Variants in BAX observed in about 807,000 individuals in gnomAD.
The protein encoded by BAX is BCL2 associated X, apoptosis regulator.
Under a neutral mutation model 26.8 loss-of-function variants are expected in BAX, and 21 were observed. That is an observed-to-expected ratio of 0.78 (90% CI 0.56 to 1.13). The LOEUF (loss-of-function observed/expected upper bound fraction) is 1.13. BAX is among the 50% of genes most tolerant of loss of function. The pLI, the probability that BAX is intolerant of heterozygous loss-of-function variation, is 0.00. For missense variants in BAX, 236 were observed against 254.6 expected, an observed-to-expected ratio of 0.93 and a Z score of 0.50; for synonymous variants, 110 against 101.8, an observed-to-expected ratio of 1.08 and a Z score of -0.49.
At chr19:48,955,354 A>C (rs2038082453) in intron 1 of BAX, 194 bp from the exon 2 acceptor site, 1 of 590,720 alleles carries the variant, frequency 1.7e-6, no homozygotes, top group Admixed American at 3.4e-5. Context: ...AGAATGTAGG[A>C]TACAGGCCCA....
rs61415800 is a variant in BAX at position 48,957,265 on chromosome 19, CTTTTTTTTT to C, written c.369+951_369+959del. 9.1e-4 allele frequency among the ~76,000 whole-genome samples: 50 copies of C among 54,946 alleles called. No homozygotes were observed. In the East Asian group the frequency reaches 0.01, roughly 11 times the overall value. The allele number at this position is 54,946 out of a possible 152,430, so 36.0% of individuals were successfully genotyped here. ...GGCTGCTGGAAAGACTTTTTCTTTT[CTTTTTTTTT>C]TTTTTTTTTTTTTTTTTTGAGACAG... On this transcript the variant is annotated intron_variant, in intron 4 of 5. Coordinates refer to ENST00000345358, the MANE Select transcript of BAX (RefSeq NM_138761.4).
chr19:48,961,459 C>A, intron 5 of BAX, 73 bp from the exon 6 acceptor site: 1 of 1,390,242 alleles, frequency 7.2e-7, no homozygotes, highest in Non-Finnish European at 1.0e-6. Context: ...TCCTCCGTCC[C>A]TGATCCCGCC....
intron 1 of BAX, chr19:48,955,225 G>A (rs1231467761): frequency 4.6e-6 from 2 of 431,560 alleles, no homozygotes; most frequent in Non-Finnish European, 7.8e-6. Flanking sequence ...GCAGGCCCGG[G>A]CTTGTCGCCC....
At chr19:48,958,788 G>A (rs1387924807) in intron 4 of BAX, among the ~76,000 whole-genome samples, 2 of 151,682 alleles carry the variant, frequency 1.3e-5, no homozygotes, top group Admixed American at 1.3e-4. Context: ...CAGGTGATCC[G>A]CCTGCCTCGG....
chr19:48,957,463 C>T (rs4645890), intron 4 of BAX, among the ~76,000 whole-genome samples: 3,107 of 150,198 alleles, frequency 0.021, 89 homozygotes, highest in Non-Finnish European at 0.034. Context: ...TTAGTAGAGA[C>T]GGAGTTTCGC....
At chr19:48,957,831 T>C (rs2038198708) in intron 4 of BAX, among the ~76,000 whole-genome samples, 1 of 152,212 alleles carries the variant, frequency 6.6e-6, no homozygotes, top group Non-Finnish European at 1.5e-5. Context: ...GGGGACTGTC[T>C]GTATAGCAAA....
At chr19:48,960,939 C>T (rs760292142) in intron 5 of BAX, 25 bp downstream of exon 5, 1 of 1,613,496 alleles carries the variant, frequency 6.2e-7, no homozygotes, top group Admixed American at 1.7e-5. Context: ...GCCTCCTCAC[C>T]CCCACCACCG....
intron 4 of BAX, among the ~76,000 whole-genome samples, chr19:48,958,166 G>A (rs1433735364): frequency 6.6e-6 from 1 of 150,828 alleles, no homozygotes; most frequent in Non-Finnish European, 1.5e-5. Flanking sequence ...ATAGCTCACT[G>A]CAGCCTCAAA....
intron 1 of BAX, 144 bp downstream of exon 1, chr19:48,955,106 C>T (rs556745156): frequency 9.9e-7 from 1 of 1,009,372 alleles, no homozygotes; most frequent in South Asian, 4.9e-5. Flanking sequence ...CCTCCAGTCC[C>T]CTCCGTCCTC....
chr19:48,961,250 CT>C (rs371491785), intron 5 of BAX: 96,686 of 966,744 alleles, frequency 0.1, no homozygotes, highest in East Asian at 0.15. Flanking sequence ...TAGCTCTTTC[CT>C]TTTTTTTTTT....
At chr19:48,960,942 C>T (rs768343456) in intron 5 of BAX, 28 bp downstream of exon 5, 7 of 1,613,274 alleles carry the variant, frequency 4.3e-6, no homozygotes, top group Non-Finnish European at 5.9e-6. Flanking sequence ...TCCTCACCCC[C>T]ACCACCGCGC....
Position 48,961,744 on chromosome 19 carries a change from G to C in BAX, c.*108G>C. 3 of 946,398 alleles carry C rather than the reference G, an allele frequency of 3.2e-6. No individual in the cohort carries two copies. The Admixed American group carries it at 7.0e-5, about 22-fold the overall frequency. 58.6% of individuals were successfully genotyped at this position (946,398 alleles called of 1,614,324 possible). A position where few individuals can be genotyped will look rare whatever the true frequency, so the allele number is the denominator to read the frequency against. ...CATTTTTCTTACTTTTGTAATTATT[G>C]GGGGGTGTGGGGAAGAGTGGTCTTG... is the stretch of plus-strand genomic sequence containing the variant. On this transcript the variant is annotated 3_prime_UTR_variant, in exon 6 of 6. Transcript: ENST00000345358.
chr19:48,957,344 G>A (rs1313577776), intron 4 of BAX, among the ~76,000 whole-genome samples: 5 of 120,438 alleles, frequency 4.2e-5, no homozygotes, highest in African/African-American at 1.2e-4. Flanking sequence ...GCGCCATCTC[G>A]GCTCACTGCA....
At position 48,960,790 on chromosome 19, in the gene BAX, G is replaced by A. The variant is rs755234872; in HGVS notation, c.370-20G>A. 3 of 1,589,214 alleles carry A rather than the reference G, an allele frequency of 1.9e-6. No homozygotes were observed. Among genetic ancestry groups the A allele is most frequent in the South Asian group, 1.1e-5 (1 of 89,416 alleles). On this transcript the variant is annotated intron_variant, in intron 4 of 5. Coordinates refer to ENST00000345358, the MANE Select transcript of BAX (RefSeq NM_138761.4). Reference sequence around the variant, plus strand: ...GTGGGGACAAGGTTCAGTCCCTAACGCCCACTCCACTCCCCACAGGCCCTG... The same window carrying A: ...GTGGGGACAAGGTTCAGTCCCTAACACCCACTCCACTCCCCACAGGCCCTG...
rs1353115965 is a variant in BAX, at chr19:48,961,597, G to T, written c.540G>T (p.Val180=). The T allele has an allele frequency of 1.9e-6, 3 of 1,600,988 alleles. No homozygotes were observed. In the South Asian group the frequency reaches 3.4e-5, roughly 18 times the overall value. ...CCGTGACCATCTTTGTGGCGGGAGT[G>T]CTCACCGCCTCACTCACCATCTGGA... The part of the protein sequence containing the change: ...WQTVTIFVAG[V]LTASLTIWKK... The change falls in exon 6 of 6, where the codon GTG becomes GTT. Residue 180 remains valine (V), a synonymous_variant. Coordinates refer to ENST00000345358, the MANE Select transcript of BAX (RefSeq NM_138761.4).
Position 48,956,422 on chromosome 19 carries a change from C to T in BAX, c.369+89C>T, listed in dbSNP as rs1001000787. The T allele has an allele frequency of 2.2e-6, 3 of 1,381,178 alleles. No homozygotes were observed. In the African/African-American group the frequency reaches 4.5e-5, roughly 21 times the overall value. 85.6% of individuals were successfully genotyped at this position (1,381,178 alleles called of 1,614,324 possible). On this transcript the variant is annotated intron_variant, in intron 4 of 5. Transcript: ENST00000345358. ...TCGTGGTATCAACCCCCTGCAGTGG[C>T]CCAGTGACCACAGAGGGCATGGAGA...
In BAX at chr19:48,957,265, CTTTTTTTTTTTTT is replaced by C. The variant is rs61415800; in HGVS notation, c.369+947_369+959del. Among the ~76,000 whole-genome samples the C allele has an allele frequency of 1.6e-4, 9 of 54,946 alleles. No homozygotes were observed. The South Asian group carries it at 3.6e-3, about 22-fold the overall frequency. 36.0% of individuals were successfully genotyped at this position (54,946 alleles called of 152,430 possible). ...GGCTGCTGGAAAGACTTTTTCTTTT[CTTTTTTTTTTTTT>C]TTTTTTTTTTTTTTGAGACAGAGTC... On this transcript the variant is annotated intron_variant, in intron 4 of 5. Transcript: ENST00000345358.
At chr19:48,956,367 C>T (rs749045019) in intron 4 of BAX, 34 bp downstream of exon 4, 40 of 1,498,426 alleles carry the variant, frequency 2.7e-5, no homozygotes, top group Non-Finnish European at 5.4e-6. Context: ...CCCAGGGATG[C>T]TCCCCCTCAG....
chr19:48,961,263 T>TC (rs200173550), intron 5 of BAX: 43 of 1,405,282 alleles, frequency 3.1e-5, no homozygotes, highest in South Asian at 2.5e-4. Context: ...TTTTTTTTTT[T>TC]CCCCACTGAG....
Sources: allele counts gnomAD v4.1 joint callset (sites outside exome capture counted in the v4.1 genomes callset), GRCh38; gene constraint gnomAD v4.1.1; transcripts MANE v1.5; gene names NCBI Gene and HGNC (gene_info 2026-07-23, HGNC 2026-07-21).